The following IRF5 variants were observed in gnomAD, a reference collection of about 807,000 sequenced individuals.
The protein encoded by IRF5 is interferon regulatory factor 5.
In IRF5, 24 loss-of-function variants were observed where a neutral mutation model predicts 55.1. The ratio of observed to expected loss-of-function variants is 0.44; its 90% CI spans 0.32 to 0.61. The LOEUF (loss-of-function observed/expected upper bound fraction) is 0.61. Among genes scored for constraint, IRF5 ranks in the 20% least tolerant of loss-of-function variants. The pLI, the probability that IRF5 is intolerant of heterozygous loss-of-function variation, is 0.07. For missense variants in IRF5, 499 were observed against 658.5 expected (o/e 0.76, Z 2.65); for synonymous variants, 258 against 260.2 (o/e 0.99, Z 0.08).
intron 1 of IRF5, among the ~76,000 whole-genome samples, chr7:128,938,488 C>T (rs1300277228): frequency 6.6e-6 from 1 of 152,240 alleles, no homozygotes; most frequent in Non-Finnish European, 1.5e-5. Flanking sequence ...CCGATCCTTA[C>T]TTTCGATGCA....
At chr7:128,938,196 CTG>C (rs1795837036) in intron 1 of IRF5, 147 bp downstream of exon 1, 1 of 152,308 alleles carries the variant, frequency 6.6e-6, no homozygotes, top group South Asian at 2.1e-4. Flanking sequence ...GGGATGAAGA[CTG>C]GAGTAGGGCG....
Position 128,946,414 on chromosome 7 carries a change from G to T in IRF5, c.386-87G>T. On this transcript the variant is annotated intron_variant, in intron 3 of 8. Coordinates refer to ENST00000357234, the MANE Select transcript of IRF5 (RefSeq NM_001098629.3). The surrounding 1 kb of genome is among the most constrained non-coding windows in gnomAD (Gnocchi z 4.2). ...CTTTGGGGAAGGCAGAAGCTGCATA[G>T]GAGCTACAGGCAGCCTCTCAGGGGA... 1 of 1,484,604 alleles carries T rather than the reference G, an allele frequency of 6.7e-7. No individual in the cohort carries two copies. 92.0% of individuals were successfully genotyped at this position (1,484,604 alleles called of 1,614,324 possible).
chr7:128,938,650 G>C (rs1050896680), intron 1 of IRF5, among the ~76,000 whole-genome samples: 1 of 152,190 alleles, frequency 6.6e-6, no homozygotes, highest in African/African-American at 2.4e-5. Flanking sequence ...CCCTGGGCTC[G>C]CGGCCGGGAA....
rs1332772044 is a variant in IRF5 at position 128,946,167 on chromosome 7, C to T, written c.385+133C>T. ...TGGTCCAGGAAACGATGCGGGGGCT[C>T]CCGCTAGGTCATGACACCCAGGGCT... is the stretch of plus-strand genomic sequence containing the variant. On this transcript the variant is annotated intron_variant, in intron 3 of 8. Transcript: ENST00000357234. This position sits in a 1 kb window ranked among gnomAD's most constrained non-coding sequence, Gnocchi z 4.2. 5 of 861,748 alleles carry T rather than the reference C, an allele frequency of 5.8e-6. No individual in the cohort carries two copies. The highest frequency in any genetic ancestry group is 3.0e-5 in the Admixed American group (1 of 32,950). The allele number at this position is 861,748 out of a possible 1,614,324, so 53.4% of individuals were successfully genotyped here. A position where few individuals can be genotyped will look rare whatever the true frequency, so the allele number is the denominator to read the frequency against.
intron 2 of IRF5, among the ~76,000 whole-genome samples, chr7:128,945,302 C>CTCACTCT (rs1796238749): frequency 3.3e-5 from 5 of 152,138 alleles, no homozygotes. Flanking sequence ...ACAGGAGTCT[C>CTCACTCT]GTTATGTTGC....
chr7:128,946,115 C>A lies in IRF5; in HGVS notation c.385+81C>A. The A allele has an allele frequency of 1.5e-6, 2 of 1,332,754 alleles. No individual in the cohort carries two copies. The highest frequency in any genetic ancestry group is 2.0e-6 in the Non-Finnish European group (2 of 986,404). The allele number at this position is 1,332,754 out of a possible 1,614,324, so 82.6% of individuals were successfully genotyped here. ...CCAGCCATGAGCTCTTGGGTGCAGG[C>A]AGGCCAAGGGCCCCTCTAGCAGGCA... On this transcript the variant is annotated intron_variant, in intron 3 of 8. Coordinates refer to ENST00000357234, the MANE Select transcript of IRF5 (RefSeq NM_001098629.3). The surrounding 1 kb of genome is among the most constrained non-coding windows in gnomAD (Gnocchi z 4.2).
chr7:128,942,771 C>T (rs1016051567), intron 2 of IRF5, among the ~76,000 whole-genome samples: 1 of 152,008 alleles, frequency 6.6e-6, no homozygotes, highest in African/African-American at 2.4e-5. Context: ...TAAAGGAAGC[C>T]AACGATCATC....
rs1796517529 is a variant in IRF5, at chr7:128,949,625, T to G, written c.*807T>G. 6.6e-6 allele frequency: 1 copy of G among 152,198 alleles called. No individual in the cohort carries two copies. Among genetic ancestry groups the G allele is most frequent in the African/African-American group, 2.4e-5 (1 of 41,448 alleles). 9.4% of individuals were successfully genotyped at this position (152,198 alleles called of 1,614,324 possible). A position where few individuals can be genotyped will look rare whatever the true frequency, so the allele number is the denominator to read the frequency against. On this transcript the variant is annotated 3_prime_UTR_variant, in exon 9 of 9. Coordinates refer to ENST00000357234, the MANE Select transcript of IRF5 (RefSeq NM_001098629.3). ...AAGCAAGGGTGTGGAATTTTAAATG[T>G]GTGCACAGTCTGGAAAACTGTCAGA...
intron 1 of IRF5, among the ~76,000 whole-genome samples, chr7:128,938,663 G>A (rs1389244946): frequency 1.3e-5 from 2 of 152,174 alleles, no homozygotes; most frequent in East Asian, 3.9e-4. Flanking sequence ...GCCGGGAATG[G>A]CAGACTCTCG....
chr7:128,939,827 C>A (rs919615332), intron 1 of IRF5, among the ~76,000 whole-genome samples: 10 of 152,240 alleles, frequency 6.6e-5, no homozygotes, highest in Admixed American at 2.0e-4. Context: ...CCTTCCGGGG[C>A]TCAGGTCCAT....
In IRF5 at chr7:128,948,224, C is replaced by A. The variant is rs763816650; in HGVS notation, c.1195C>A (p.Gln399Lys). The A allele has an allele frequency of 6.2e-7, 1 of 1,613,386 alleles. No individual in the cohort carries two copies. Among genetic ancestry groups the A allele is most frequent in the East Asian group, 2.2e-5 (1 of 44,882 alleles). Residue 399 changes from glutamine to lysine, a missense_variant, in exon 8 of 9, where the codon CAA (glutamine) becomes AAA (lysine). Gln to Lys is a moderately conservative substitution (Grantham distance 53, BLOSUM62 1). Coordinates refer to ENST00000357234, the MANE Select transcript of IRF5 (RefSeq NM_001098629.3). The surrounding 1 kb of genome is among the most constrained non-coding windows in gnomAD (Gnocchi z 4.6). ...TTTTGATGCAGAGCTCATCCTGTTC[C>A]AAAAGGGCCAGACCAACACCCCACC... Reference protein sequence around the residue: ...EHFLNELILFQKGQTNTPPPF... With the variant: ...EHFLNELILFKKGQTNTPPPF...
At chr7:128,944,925 A>G (rs573174470) in intron 2 of IRF5, among the ~76,000 whole-genome samples, 1 of 152,304 alleles carries the variant, frequency 6.6e-6, no homozygotes, top group South Asian at 2.1e-4. Flanking sequence ...TGTGTGTGCA[A>G]TATTTTGTGT....
rs779211714 is a variant in IRF5 at position 128,947,257 on chromosome 7, C to T, written c.509C>T (p.Thr170Ile). The change falls in exon 6 of 9, where the codon ACA becomes ATA. Residue 170 changes from threonine to isoleucine, a missense_variant. This residue lies in a region of IRF5 where 305 missense variants were observed against 340.2 expected (regional missense o/e 0.90). Coordinates refer to ENST00000357234, the MANE Select transcript of IRF5 (RefSeq NM_001098629.3). The surrounding 1 kb of genome is among the most constrained non-coding windows in gnomAD (Gnocchi z 6.5). ...GCAGTGCAGTCTGGCCCCCACATGA[C>T]ACCCTATTCTTTACTCAAAGAGGAT... ...TDAVQSGPHM[T>I]PYSLLKEDVK... 2.3e-5 allele frequency: 37 copies of T among 1,609,214 alleles called. No individual in the cohort carries two copies. Among genetic ancestry groups the T allele is most frequent in the South Asian group, 3.3e-5 (3 of 90,378 alleles).
intron 2 of IRF5, 26 bp downstream of exon 2, chr7:128,942,302 G>A: frequency 6.3e-7 from 1 of 1,586,210 alleles, no homozygotes; most frequent in Non-Finnish European, 8.6e-7. Context: ...GAGGTTGGCT[G>A]GACCTCCAGG....
rs1412540759 is a variant in IRF5 at position 128,948,050 on chromosome 7, A to T, written c.1109A>T (p.His370Leu). 1 of 1,614,094 alleles carries T rather than the reference A, an allele frequency of 6.2e-7. No individual in the cohort carries two copies. The highest frequency in any genetic ancestry group is 2.2e-5 in the East Asian group (1 of 44,870). ...TGGAGCGGGCCTTGTGCCTCAGCCC[A>T]TGACTCATGCCCCAACCCCATCCAG... ...VFWSGPCASA[H>L]DSCPNPIQRE... Residue 370 changes from histidine to leucine, a missense_variant, in exon 7 of 9, where the codon CAT becomes CTT. Physicochemically the swap from His to Leu is moderately conservative, Grantham distance 99 (BLOSUM62 -3). This residue lies in a region of IRF5 where 194 missense variants were observed against 318.3 expected (regional missense o/e 0.61). Transcript: ENST00000357234. This position sits in a 1 kb window ranked among gnomAD's most constrained non-coding sequence, Gnocchi z 4.6.
At chr7:128,941,276 T>C (rs73461582) in intron 1 of IRF5, 12,483 of 152,328 alleles carry the variant, frequency 0.082, 1,227 homozygotes, top group African/African-American at 0.24. Context: ...CTGTTTCCTG[T>C]AGCCTTCCTA....
Position 128,946,111 on chromosome 7 carries a change from C to A in IRF5, c.385+77C>A. On this transcript the variant is annotated intron_variant, in intron 3 of 8. Coordinates refer to ENST00000357234, the MANE Select transcript of IRF5 (RefSeq NM_001098629.3). The surrounding 1 kb of genome is among the most constrained non-coding windows in gnomAD (Gnocchi z 4.2). Reference sequence around the variant, plus strand: ...GCCCCCAGCCATGAGCTCTTGGGTGCAGGCAGGCCAAGGGCCCCTCTAGCA... The same window carrying A: ...GCCCCCAGCCATGAGCTCTTGGGTGAAGGCAGGCCAAGGGCCCCTCTAGCA... The A allele has an allele frequency of 1.4e-6, 2 of 1,380,580 alleles. No homozygotes were observed. Among genetic ancestry groups the A allele is most frequent in the Non-Finnish European group, 1.9e-6 (2 of 1,028,352 alleles). 85.5% of individuals were successfully genotyped at this position (1,380,580 alleles called of 1,614,324 possible). A position where few individuals can be genotyped will look rare whatever the true frequency, so the allele number is the denominator to read the frequency against.
rs1796337247 is a variant in IRF5 at position 128,946,943 on chromosome 7, C to A, written c.448-80C>A. On this transcript the variant is annotated intron_variant, in intron 4 of 8. Transcript: ENST00000357234. The surrounding 1 kb of genome is among the most constrained non-coding windows in gnomAD (Gnocchi z 4.2). ...GCCTCATAGTTCTCGCCTGTTATTT[C>A]CCCAGCCCCAGGTCAGTGGAATAAC... The A allele has an allele frequency of 1.3e-6, 2 of 1,565,542 alleles. No individual in the cohort carries two copies. The highest frequency in any genetic ancestry group is 1.4e-5 in the African/African-American group (1 of 73,900).
Position 128,946,503 on chromosome 7 carries a change from T to A in IRF5, c.388T>A (p.Ser130Thr). The A allele has an allele frequency of 6.2e-7, 1 of 1,606,424 alleles. No homozygotes were observed. The highest frequency in any genetic ancestry group is 8.5e-7 in the Non-Finnish European group (1 of 1,176,768). Residue 130 changes from serine (S) to threonine (T), a missense_variant and splice_region_variant, in exon 4 of 9, where the codon TCC becomes ACC. Ser to Thr is a moderately conservative substitution (Grantham distance 58). Coordinates refer to ENST00000357234, the MANE Select transcript of IRF5 (RefSeq NM_001098629.3). The surrounding 1 kb of genome is among the most constrained non-coding windows in gnomAD (Gnocchi z 4.2). ...VCSNGPAPTD[S>T]QPPEDYSFGA... ...GCTTTTCTCTCCCTGCTGTGCAGAC[T>A]CCCAGCCCCCTGAGGATTACTCTTT...
Sources: allele counts gnomAD v4.1 joint callset (sites outside exome capture counted in the v4.1 genomes callset), GRCh38; gene constraint gnomAD v4.1.1; regional missense constraint gnomAD v4.1.1; non-coding constraint Gnocchi (gnomAD v3.1); transcripts MANE v1.5; gene names NCBI Gene and HGNC (gene_info 2026-07-23, HGNC 2026-07-21).